The following BMERB1 variants were observed in gnomAD, a reference collection of about 807,000 sequenced individuals.
BMERB1 encodes the protein bMERB domain-containing protein 1.
A neutral mutation model predicts 23.6 loss-of-function variants in BMERB1; 12 were observed. The observed-to-expected ratio is 0.51, with a 90% CI of 0.33 to 0.82. BMERB1 has a LOEUF of 0.82. BMERB1 is among the 40% of genes least tolerant of loss of function. The pLI is 0.03. For synonymous variants in BMERB1, 122 were observed against 96.6 expected (o/e 1.26, Z -1.54); for missense variants, 247 against 255.4 (o/e 0.97, Z 0.22).
intron 5 of BMERB1, among the ~76,000 whole-genome samples, chr16:15,584,353 TCGACA>T (rs777215261): frequency 3.3e-4 from 50 of 151,982 alleles, no homozygotes; most frequent in Admixed American, 2.0e-3. Context: ...GGTCAGGAGA[TCGACA>T]CCATCCTGGC....
At chr16:15,568,575 T>A (rs1596400186) in intron 3 of BMERB1, among the ~76,000 whole-genome samples, 1 of 151,796 alleles carries the variant, frequency 6.6e-6, no homozygotes, top group African/African-American at 2.4e-5. Flanking sequence ...GAGGTGGAGG[T>A]TGCAGTGAGC....
At chr16:15,529,863 C>T (rs751575221) in intron 2 of BMERB1, among the ~76,000 whole-genome samples, 2 of 152,172 alleles carry the variant, frequency 1.3e-5, no homozygotes, top group African/African-American at 2.4e-5. Flanking sequence ...TTTCCTGTGG[C>T]TACTGTAACA....
intron 3 of BMERB1, among the ~76,000 whole-genome samples, chr16:15,570,183 A>G (rs1001954816): frequency 6.6e-6 from 1 of 152,168 alleles, no homozygotes; most frequent in African/African-American, 2.4e-5. Context: ...TTCAATAACT[A>G]TGTCCCAAGA....
intron 2 of BMERB1, among the ~76,000 whole-genome samples, chr16:15,517,172 C>T (rs1230149052): frequency 2.0e-5 from 3 of 152,272 alleles, no homozygotes; most frequent in East Asian, 1.9e-4. Context: ...TAAAATGATA[C>T]GTGAGCATTC....
intron 1 of BMERB1, among the ~76,000 whole-genome samples, chr16:15,436,081 T>C (rs1196763450): frequency 6.6e-6 from 1 of 152,096 alleles, no homozygotes; most frequent in African/African-American, 2.4e-5. Flanking sequence ...TGTCCATATT[T>C]ATGGAATACA....
intron 3 of BMERB1, 107 bp from the exon 4 acceptor site, chr16:15,581,109 GT>G (rs1323745249): frequency 1.1e-5 from 8 of 716,862 alleles, no homozygotes; most frequent in Non-Finnish European, 1.8e-5. Flanking sequence ...AGATGGGGTT[GT>G]TTCACCATGT....
At chr16:15,527,802 C>T (rs1343323502) in intron 2 of BMERB1, among the ~76,000 whole-genome samples, 3 of 152,136 alleles carry the variant, frequency 2.0e-5, no homozygotes, top group Admixed American at 1.3e-4. Flanking sequence ...GTCCCAATAC[C>T]CACCAGCCCT....
intron 2 of BMERB1, among the ~76,000 whole-genome samples, chr16:15,529,492 A>G (rs1009735432): frequency 3.3e-5 from 5 of 152,030 alleles, no homozygotes; most frequent in South Asian, 2.1e-4. Context: ...CATCCCTGCA[A>G]TCCTTTCCTT....
intron 1 of BMERB1, among the ~76,000 whole-genome samples, chr16:15,471,480 A>T (rs1260727263): frequency 6.6e-6 from 1 of 152,154 alleles, no homozygotes; most frequent in Non-Finnish European, 1.5e-5. Flanking sequence ...CATTTCATTA[A>T]GTTGTCAAGT....
At chr16:15,476,049 GTGAACA>G (rs2051272407) in intron 1 of BMERB1, among the ~76,000 whole-genome samples, 1 of 151,946 alleles carries the variant, frequency 6.6e-6, no homozygotes, top group South Asian at 2.1e-4. Context: ...AAGCCCCCCT[GTGAACA>G]AACACACTTT....
chr16:15,580,333 G>GCCTCAAGTGATCCTCCTGC (rs2030976305), intron 3 of BMERB1, among the ~76,000 whole-genome samples: 1 of 151,894 alleles, frequency 6.6e-6, no homozygotes, highest in Non-Finnish European at 1.5e-5. Flanking sequence ...TGAACTCCTG[G>GCCTCAAGTGATCCTCCTGC]CCTCAAGTGA....
At chr16:15,476,255 C>T (rs149088799) in intron 1 of BMERB1, among the ~76,000 whole-genome samples, 37 of 151,360 alleles carry the variant, frequency 2.4e-4, no homozygotes, top group South Asian at 4.2e-4. Context: ...CTCCGCCTCC[C>T]GGGTTCAAGT....
At chr16:15,569,666 CAG>C (rs1326014315) in intron 3 of BMERB1, among the ~76,000 whole-genome samples, 1 of 152,088 alleles carries the variant, frequency 6.6e-6, no homozygotes, top group East Asian at 1.9e-4. Context: ...AAATGATTCT[CAG>C]GGGTGCTAAG....
At chr16:15,548,528 G>A (rs1321324310) in intron 2 of BMERB1, among the ~76,000 whole-genome samples, 2 of 152,138 alleles carry the variant, frequency 1.3e-5, no homozygotes, top group East Asian at 1.9e-4. Flanking sequence ...GCAGCAGTGG[G>A]AGTATTTACA....
intron 1 of BMERB1, among the ~76,000 whole-genome samples, chr16:15,503,519 C>T (rs759245056): frequency 1.4e-4 from 21 of 149,514 alleles, no homozygotes; most frequent in Non-Finnish European, 7.4e-5. Context: ...AGGATGGTCT[C>T]GATCTCCTGA....
At chr16:15,491,770 C>T (rs891420460) in intron 1 of BMERB1, among the ~76,000 whole-genome samples, 6 of 152,188 alleles carry the variant, frequency 3.9e-5, no homozygotes, top group Non-Finnish European at 1.5e-5. Context: ...TTCTGCTGGT[C>T]ATTCAGTGTC....
chr16:15,535,804 C>T (rs899693722), intron 2 of BMERB1, among the ~76,000 whole-genome samples: 5 of 152,068 alleles, frequency 3.3e-5, no homozygotes, highest in South Asian at 2.1e-4. Context: ...TTAATTGACT[C>T]ACAGTTTCGC....
At chr16:15,502,349 T>C (rs1325813441) in intron 1 of BMERB1, 1 of 1,549,956 alleles carries the variant, frequency 6.5e-7, no homozygotes, top group South Asian at 1.2e-5. Flanking sequence ...AGAGACGGGA[T>C]GTATGGGACG....
At chr16:15,515,458 A>G (rs1462686217) in intron 2 of BMERB1, 30 bp downstream of exon 2, 3 of 1,609,164 alleles carry the variant, frequency 1.9e-6, no homozygotes, top group African/African-American at 2.7e-5. Flanking sequence ...GGCCAAGGAA[A>G]GAAGTGTGTG....
Sources: allele counts gnomAD v4.1 joint callset (sites outside exome capture counted in the v4.1 genomes callset), GRCh38; gene constraint gnomAD v4.1.1; transcripts MANE v1.5; gene names NCBI Gene and HGNC (gene_info 2026-07-23, HGNC 2026-07-21).